Variants in SLC1A2 observed in about 807,000 individuals in gnomAD.
SLC1A2 encodes excitatory amino acid transporter 2.
In SLC1A2, 15 loss-of-function variants were observed where a neutral mutation model predicts 48.8. That is an observed-to-expected ratio of 0.31 (90% CI 0.21 to 0.47). SLC1A2 has a LOEUF of 0.47. Among genes scored for constraint, SLC1A2 ranks in the 20% least tolerant of loss-of-function variants. The pLI is 0.99. For synonymous variants in SLC1A2, 279 were observed against 272.6 expected (o/e 1.02, Z -0.23); for missense variants, 502 against 730.5 (o/e 0.69, Z 3.61).
intron 1 of SLC1A2, among the ~76,000 whole-genome samples, chr11:35,381,113 T>C (rs1442365846): frequency 6.6e-6 from 1 of 152,164 alleles, no homozygotes; most frequent in Non-Finnish European, 1.5e-5. Flanking sequence ...ATCCCTTTGT[T>C]TCTTTTCTCT....
At chr11:35,367,314 C>G (rs546538810) in intron 1 of SLC1A2, among the ~76,000 whole-genome samples, 1 of 152,278 alleles carries the variant, frequency 6.6e-6, no homozygotes, top group African/African-American at 2.4e-5. Flanking sequence ...AGGAACTTGA[C>G]CCAGAAATGG....
At chr11:35,298,904 G>A (rs915538083) in intron 6 of SLC1A2, 5 of 152,128 alleles carry the variant, frequency 3.3e-5, no homozygotes, top group African/African-American at 7.2e-5. Context: ...ACAGAAATAC[G>A]GGCTGCATGT....
intron 1 of SLC1A2, among the ~76,000 whole-genome samples, chr11:35,337,415 T>C (rs1852675687): frequency 1.3e-5 from 2 of 152,196 alleles, no homozygotes; most frequent in Non-Finnish European, 1.5e-5. Flanking sequence ...AACAGACATC[T>C]GAGTCATCTC....
At chr11:35,379,651 C>T (rs895816841) in intron 1 of SLC1A2, among the ~76,000 whole-genome samples, 11 of 152,324 alleles carry the variant, frequency 7.2e-5, no homozygotes, top group East Asian at 3.9e-4. Flanking sequence ...GTCCGGGGCA[C>T]GCAGGCTTCC....
At chr11:35,317,355 G>C in intron 2 of SLC1A2, 22 bp downstream of exon 2, 1 of 1,607,254 alleles carries the variant, frequency 6.2e-7, no homozygotes, top group Non-Finnish European at 8.5e-7. Flanking sequence ...GGGGCTGGGG[G>C]TGGGGTAGTG....
chr11:35,371,094 C>A (rs1461841660), intron 1 of SLC1A2: 2 of 959,694 alleles, frequency 2.1e-6, no homozygotes, highest in African/African-American at 3.7e-5. Flanking sequence ...TTTGGTCCAG[C>A]ACCTGTAGGC....
At chr11:35,415,838 C>T (rs76437184) in intron 1 of SLC1A2, among the ~76,000 whole-genome samples, 1 of 152,184 alleles carries the variant, frequency 6.6e-6, no homozygotes, top group South Asian at 2.1e-4. Flanking sequence ...AGCCACCCCC[C>T]ACCTCCAAGA....
At chr11:35,305,285 A>G (rs1187480072) in intron 5 of SLC1A2, among the ~76,000 whole-genome samples, 1 of 152,214 alleles carries the variant, frequency 6.6e-6, no homozygotes, top group African/African-American at 2.4e-5. Flanking sequence ...AATAATGATC[A>G]CAGCTCATAC....
chr11:35,338,887 G>C (rs1852733228), intron 1 of SLC1A2, among the ~76,000 whole-genome samples: 8 of 152,198 alleles, frequency 5.3e-5, no homozygotes, highest in Admixed American at 5.2e-4. Flanking sequence ...GTAAGTGGCA[G>C]AGGCTAGGAC....
At chr11:35,381,346 T>C (rs1176340960) in intron 1 of SLC1A2, among the ~76,000 whole-genome samples, 2 of 152,136 alleles carry the variant, frequency 1.3e-5, no homozygotes, top group African/African-American at 4.8e-5. Flanking sequence ...TGAAATCATT[T>C]TCTCTGAGGA....
At chr11:35,331,161 G>C (rs573152635) in intron 1 of SLC1A2, among the ~76,000 whole-genome samples, 1 of 152,266 alleles carries the variant, frequency 6.6e-6, no homozygotes, top group South Asian at 2.1e-4. Flanking sequence ...TGAGATGTAG[G>C]CTGAAGTGTT....
chr11:35,276,574 G>T (rs1185074213), intron 9 of SLC1A2, among the ~76,000 whole-genome samples: 1 of 152,166 alleles, frequency 6.6e-6, no homozygotes, highest in Non-Finnish European at 1.5e-5. Flanking sequence ...ATCTGGGAGG[G>T]CCCAGCCCTC....
chr11:35,310,983 A>G (rs985793809), intron 4 of SLC1A2, among the ~76,000 whole-genome samples: 1 of 152,194 alleles, frequency 6.6e-6, no homozygotes, highest in Admixed American at 6.5e-5. Flanking sequence ...TTGTCCTGAC[A>G]AGGACATTTT....
chr11:35,357,844 T>C (rs1302037801), intron 1 of SLC1A2, among the ~76,000 whole-genome samples: 1 of 152,158 alleles, frequency 6.6e-6, no homozygotes. Context: ...AAGTTCTTTT[T>C]CTTTAAAAAA....
At chr11:35,342,037 A>G (rs1852858062) in intron 1 of SLC1A2, among the ~76,000 whole-genome samples, 1 of 152,274 alleles carries the variant, frequency 6.6e-6, no homozygotes, top group Admixed American at 6.5e-5. Context: ...ATGTTTGGAA[A>G]GAAATTCTGG....
chr11:35,411,262 GA>G (rs1270828571), intron 1 of SLC1A2, among the ~76,000 whole-genome samples: 4 of 152,056 alleles, frequency 2.6e-5, no homozygotes, highest in African/African-American at 9.7e-5. Context: ...CATATAAATA[GA>G]AAAAATGATA....
In SLC1A2 at chr11:35,254,611, C is replaced by G; in HGVS notation, c.*6283G>C. 3.1e-6 allele frequency: 1 copy of G among 325,314 alleles called. No homozygotes were observed. The highest frequency in any genetic ancestry group is 2.4e-5 in the South Asian group (1 of 41,596). The allele number at this position is 325,314 out of a possible 1,614,324, so 20.2% of individuals were successfully genotyped here. ...TGCCCCAGAAGGAGTGAGGCTCCGA[C>G]TGCAACATCTCCATCTCCAGTGAGG... On this transcript the variant is annotated 3_prime_UTR_variant, in exon 11 of 11. Transcript: ENST00000278379.
chr11:35,412,830 A>T (rs117168702), intron 1 of SLC1A2, among the ~76,000 whole-genome samples: 1,725 of 152,316 alleles, frequency 0.011, 16 homozygotes, highest in Non-Finnish European at 0.014. Flanking sequence ...GTTGGGACCC[A>T]TGTGGTCATG....
intron 1 of SLC1A2, among the ~76,000 whole-genome samples, chr11:35,402,774 G>T (rs1242593969): frequency 6.6e-6 from 1 of 152,216 alleles, no homozygotes; most frequent in African/African-American, 2.4e-5. Flanking sequence ...CAGGACACCT[G>T]CCTGGTGTCG....
Sources: gnomAD v4.1 joint callset for allele counts (sites outside exome capture counted in the v4.1 genomes callset) on GRCh38, gnomAD v4.1.1 for gene constraint, MANE v1.5 for transcripts, NCBI Gene and HGNC (gene_info 2026-07-23, HGNC 2026-07-21) for gene names.